Variants in IGSF22 observed in about 807,000 individuals in gnomAD.
The protein encoded by IGSF22 is immunoglobulin superfamily, member 22.
IGSF22 carries 119 observed loss-of-function variants against 127.0 expected under a neutral mutation model. That is an observed-to-expected ratio of 0.94 (90% CI 0.81 to 1.09). The LOEUF (loss-of-function observed/expected upper bound fraction) is 1.09. Ranked by LOEUF, IGSF22 falls within the 50% of genes least tolerant of loss-of-function variation. The pLI, the probability that IGSF22 is intolerant of heterozygous loss-of-function variation, is 0.00. For missense variants in IGSF22, 1,518 were observed against 1,716.6 expected, an observed-to-expected ratio of 0.88 and a Z score of 2.04; for synonymous variants, 568 against 664.7, an observed-to-expected ratio of 0.85 and a Z score of 2.24.
chr11:18,715,704 T>G lies in IGSF22; in HGVS notation c.1259A>C (p.Lys420Thr). 1 of 1,610,478 alleles carries G rather than the reference T, an allele frequency of 6.2e-7. No homozygotes were observed. The highest frequency in any genetic ancestry group is 8.5e-7 in the Non-Finnish European group (1 of 1,178,704). ...AQLTVDRIPIKFVSNLKNVRV... is the reference protein window; with the variant it reads ...AQLTVDRIPITFVSNLKNVRV... ...TACATTTTTGAGGTTGCTCACAAAC[T>G]TGATGGGGATGCCTGTGGACAGACA... The change falls in exon 11 of 23, where the codon AAG becomes ACG. Residue 420 changes from lysine to threonine, a missense_variant. By Grantham distance (78) the Lys-to-Thr change is moderately conservative (BLOSUM62 -1). This residue lies in a region of IGSF22 where 1,456 missense variants were observed against 1,644.9 expected (regional missense o/e 0.89). Coordinates refer to ENST00000513874, the MANE Select transcript of IGSF22 (RefSeq NM_173588.4).
At position 18,706,036 on chromosome 11, in the gene IGSF22, T is replaced by C; in HGVS notation, c.3691A>G (p.Thr1231Ala). The C allele has an allele frequency of 6.4e-7, 1 of 1,551,562 alleles. No individual in the cohort carries two copies. Among genetic ancestry groups the C allele is most frequent in the African/African-American group, 1.4e-5 (1 of 73,178 alleles). The change falls in exon 22 of 23, where the codon ACC becomes GCC. Residue 1231 changes from threonine to alanine, a missense_variant. Thr to Ala is a moderately conservative substitution (Grantham distance 58). Around this residue, in one of 3 missense-constraint regions of IGSF22, gnomAD observed 1,456 missense variants for 1,644.9 expected, o/e 0.89. Transcript: ENST00000513874. ...PHTVLRGQDC[T>A]MTCAFLGNPR... ...TTCCCAAGGAAGGCGCAGGTCATGGTGCAGTCCTGGCCGCGGAGCACCGTG... is the reference window on the plus strand; with the variant it reads ...TTCCCAAGGAAGGCGCAGGTCATGGCGCAGTCCTGGCCGCGGAGCACCGTG...
At position 18,707,872 on chromosome 11, in the gene IGSF22, C is replaced by G. The variant is rs1590435774; in HGVS notation, c.3212G>C (p.Gly1071Ala). The G allele has an allele frequency of 1.9e-6, 3 of 1,614,106 alleles. No homozygotes were observed. In the East Asian group the frequency reaches 6.7e-5, roughly 36 times the overall value. ...ATTCTGAAGCAAGATTCGGTACACCCCTGAGTCAGAGCGCTTGGTGCTATT... is the reference window on the plus strand; with the variant it reads ...ATTCTGAAGCAAGATTCGGTACACCGCTGAGTCAGAGCGCTTGGTGCTATT... ...LINSTKRSDSGVYRILLQNEF... is the reference protein window; with the variant it reads ...LINSTKRSDSAVYRILLQNEF... The change falls in exon 20 of 23, where the codon GGG becomes GCG. Residue 1071 changes from glycine (G) to alanine (A), a missense_variant. Physicochemically the swap from Gly to Ala is moderately conservative, Grantham distance 60. Transcript: ENST00000513874.
rs200509378 is a variant in IGSF22 at position 18,716,826 on chromosome 11, G to A, written c.1148C>T (p.Thr383Met). The A allele has an allele frequency of 2.9e-4, 471 of 1,614,026 alleles. 1 individual carries two copies. Among genetic ancestry groups the A allele is most frequent in the Non-Finnish European group, 3.7e-4 (431 of 1,180,034 alleles). ...GGCATCCTTAATCTTAAGCGTGTGC[G>A]TCAGACCATCTTCGGACACCGTGAT... Reference protein sequence around the residue: ...YEITVSEDGLTHTLKIKDARL... With the variant: ...YEITVSEDGLMHTLKIKDARL... Residue 383 changes from threonine to methionine, a missense_variant, in exon 10 of 23, where the codon ACG becomes ATG. Around this residue, in one of 3 missense-constraint regions of IGSF22, gnomAD observed 1,456 missense variants for 1,644.9 expected, o/e 0.89. Coordinates refer to ENST00000513874, the MANE Select transcript of IGSF22 (RefSeq NM_173588.4). The surrounding 1 kb of genome is among the most constrained non-coding windows in gnomAD (Gnocchi z 4.5).
Position 18,710,935 on chromosome 11 carries a change from A to C in IGSF22, c.2399-107T>G, listed in dbSNP as rs551481592. 25 of 972,054 alleles carry C rather than the reference A, an allele frequency of 2.6e-5. No individual in the cohort carries two copies. In the African/African-American group the frequency reaches 3.2e-4, roughly 13 times the overall value. The allele number at this position is 972,054 out of a possible 1,614,324, so 60.2% of individuals were successfully genotyped here. A position where few individuals can be genotyped will look rare whatever the true frequency, so the allele number is the denominator to read the frequency against. ...CTGCTTAAATAAACTCAAACCAGTG[A>C]TTCTTTTTTCTTTTTCCTTTTTTAG... On this transcript the variant is annotated intron_variant, in intron 15 of 22. Transcript: ENST00000513874.
In IGSF22 at chr11:18,709,782, T is replaced by A; in HGVS notation, c.2702-99A>T. On this transcript the variant is annotated intron_variant, in intron 17 of 22. Coordinates refer to ENST00000513874, the MANE Select transcript of IGSF22 (RefSeq NM_173588.4). This position sits in a 1 kb window ranked among gnomAD's most constrained non-coding sequence, Gnocchi z 4.8. ...AATACTCCTGAACCCCATCCTTCAC[T>A]ACTTCTAGCTCCAGATCCCTCAGTT... The A allele has an allele frequency of 1.6e-6, 2 of 1,221,296 alleles. No homozygotes were observed. The highest frequency in any genetic ancestry group is 1.5e-5 in the South Asian group (1 of 66,446). The allele number at this position is 1,221,296 out of a possible 1,614,324, so 75.7% of individuals were successfully genotyped here. A position where few individuals can be genotyped will look rare whatever the true frequency, so the allele number is the denominator to read the frequency against.
chr11:18,724,098 C>G (rs367631099), intron 2 of IGSF22, 30 bp downstream of exon 2: 2 of 1,565,832 alleles, frequency 1.3e-6, no homozygotes, highest in Non-Finnish European at 1.8e-6. Context: ...CTGCCCTTCC[C>G]GATCCCTTCC....
At chr11:18,714,459 G>T (rs1219955402) in intron 12 of IGSF22, 41 bp from the exon 13 acceptor site, 1 of 1,614,142 alleles carries the variant, frequency 6.2e-7, no homozygotes, top group South Asian at 1.1e-5. Flanking sequence ...CATAGGCCAG[G>T]TCTACCTCCT....
intron 8 of IGSF22, 31 bp downstream of exon 8, chr11:18,718,584 C>A (rs1235498757): frequency 8.0e-7 from 1 of 1,253,762 alleles, no homozygotes; most frequent in East Asian, 2.3e-5. Context: ...AGAGATATTG[C>A]CAAGGTGGAC....
At position 18,716,815 on chromosome 11, in the gene IGSF22, T is replaced by TAA; in HGVS notation, c.1157_1158dup (p.Lys387LeufsTer37). On this transcript the variant is annotated frameshift_variant, in exon 10 of 23. Transcript: ENST00000513874. LOFTEE classifies it high-confidence loss of function. The surrounding 1 kb of genome is among the most constrained non-coding windows in gnomAD (Gnocchi z 4.5). ...TCACTGAGTCTGGCATCCTTAATCTTAAGCGTGTGCGTCAGACCATCTTCG... is the reference window on the plus strand; with the variant it reads ...TCACTGAGTCTGGCATCCTTAATCTTAAAAGCGTGTGCGTCAGACCATCTTCG... 1.2e-6 allele frequency: 2 copies of TAA among 1,614,206 alleles called. No homozygotes were observed. Among genetic ancestry groups the TAA allele is most frequent in the South Asian group, 1.1e-5 (1 of 91,074 alleles).
At chr11:18,722,822 AG>A (rs1194479006) in intron 2 of IGSF22, among the ~76,000 whole-genome samples, 2 of 152,154 alleles carry the variant, frequency 1.3e-5, no homozygotes, top group African/African-American at 4.8e-5. Context: ...AATCTGACAG[AG>A]GGGGAAAAGT....
At chr11:18,717,790 A>G in intron 9 of IGSF22, 141 bp downstream of exon 9, 2 of 864,704 alleles carry the variant, frequency 2.3e-6, no homozygotes, top group South Asian at 1.8e-5. Context: ...TCCTCCCTCC[A>G]TTGACTCCCA....
At chr11:18,722,121 G>A (rs1564877117) in intron 2 of IGSF22, 80 bp from the exon 3 acceptor site, 8 of 1,540,046 alleles carry the variant, frequency 5.2e-6, no homozygotes, top group Admixed American at 1.7e-5. Context: ...TTTCTTGAGA[G>A]GACGGTGGAG....
intron 21 of IGSF22, 112 bp downstream of exon 21, chr11:18,706,802 T>G (rs1387126151): frequency 2.8e-5 from 23 of 833,690 alleles, no homozygotes; most frequent in Non-Finnish European, 4.2e-5. Context: ...AACCGTTCTA[T>G]CTCAATGGTT....
At chr11:18,715,386 AG>A in intron 11 of IGSF22, 45 bp downstream of exon 11, 1 of 1,566,266 alleles carries the variant, frequency 6.4e-7, no homozygotes, top group Non-Finnish European at 8.7e-7. Context: ...AGGGAATGCC[AG>A]GGTCAGGGGG....
Position 18,709,478 on chromosome 11 carries a change from C to T in IGSF22, c.2907G>A (p.Gln969=). Residue 969 remains glutamine (Q), a synonymous_variant, in exon 18 of 23, where the codon CAG becomes CAA. Coordinates refer to ENST00000513874, the MANE Select transcript of IGSF22 (RefSeq NM_173588.4). The surrounding 1 kb of genome is among the most constrained non-coding windows in gnomAD (Gnocchi z 4.8). ...CAGCCCGGATTCGGAAGAAGTATTT[C>T]TGCCTCTCGATGAGTCCTCCCACTG... The part of the protein sequence containing the change: ...CYTVGGLIER[Q]KYFFRIRAVN... 6.2e-7 allele frequency: 1 copy of T among 1,614,196 alleles called. No homozygotes were observed. The highest frequency in any genetic ancestry group is 8.5e-7 in the Non-Finnish European group (1 of 1,180,046).
chr11:18,709,758 A>G lies in IGSF22; in HGVS notation c.2702-75T>C. The G allele has an allele frequency of 7.0e-7, 1 of 1,437,604 alleles. No individual in the cohort carries two copies. The highest frequency in any genetic ancestry group is 9.5e-7 in the Non-Finnish European group (1 of 1,056,462). 89.1% of individuals were successfully genotyped at this position (1,437,604 alleles called of 1,614,324 possible). ...ATGCCTTGCTCACTTCCCACACTCA[A>G]TACTCCTGAACCCCATCCTTCACTA... is the stretch of plus-strand genomic sequence containing the variant. On this transcript the variant is annotated intron_variant, in intron 17 of 22. Transcript: ENST00000513874. This position sits in a 1 kb window ranked among gnomAD's most constrained non-coding sequence, Gnocchi z 4.8.
At position 18,714,043 on chromosome 11, in the gene IGSF22, G is replaced by A. The variant is rs1322700989; in HGVS notation, c.1904C>T (p.Pro635Leu). ...AHIKVPFRGK[P>L]LPKVTWYKDG... ...CTTGTACCATGTCACTTTGGGCAGTGGTTTTCCCCGGAAGGGGACCTTGAT... is the reference window on the plus strand; with the variant it reads ...CTTGTACCATGTCACTTTGGGCAGTAGTTTTCCCCGGAAGGGGACCTTGAT... The change falls in exon 14 of 23, where the codon CCA (proline) becomes CTA (leucine). Residue 635 changes from proline (P) to leucine (L), a missense_variant. By Grantham distance (98) the Pro-to-Leu change is moderately conservative. Transcript: ENST00000513874. 3 of 1,614,166 alleles carry A rather than the reference G, an allele frequency of 1.9e-6. No individual in the cohort carries two copies. Among genetic ancestry groups the A allele is most frequent in the Non-Finnish European group, 2.5e-6 (3 of 1,180,054 alleles).
Position 18,717,934 on chromosome 11 carries a change from G to T in IGSF22, c.970C>A (p.Leu324Met). The T allele has an allele frequency of 6.2e-7, 1 of 1,613,484 alleles. No individual in the cohort carries two copies. Among genetic ancestry groups the T allele is most frequent in the Non-Finnish European group, 8.5e-7 (1 of 1,179,626 alleles). The change falls in exon 9 of 23, where the codon CTG becomes ATG. Residue 324 changes from leucine (L) to methionine (M), a missense_variant. This residue lies in a region of IGSF22 where 1,456 missense variants were observed against 1,644.9 expected (regional missense o/e 0.89). Transcript: ENST00000513874. ...DKRMSAELTV[L>M]DEPLKFLGEM... Reference sequence around the variant, plus strand: ...CCTTGCATGCCCCCACTCATACCCAGCACTGTGAGCTCTGCACTCATCCGC... The same window carrying T: ...CCTTGCATGCCCCCACTCATACCCATCACTGTGAGCTCTGCACTCATCCGC...
At chr11:18,715,909 C>G (rs964533061) in intron 10 of IGSF22, among the ~76,000 whole-genome samples, 193 bp from the exon 11 acceptor site, 1 of 152,224 alleles carries the variant, frequency 6.6e-6, no homozygotes, top group Non-Finnish European at 1.5e-5. Context: ...CCCTGACTTG[C>G]TAGTTGACTG....
Sources: allele counts gnomAD v4.1 joint callset (sites outside exome capture counted in the v4.1 genomes callset), GRCh38; gene constraint gnomAD v4.1.1; regional missense constraint gnomAD v4.1.1; non-coding constraint Gnocchi (gnomAD v3.1); transcripts MANE v1.5; gene names NCBI Gene and HGNC (gene_info 2026-07-23, HGNC 2026-07-21).